Variants in AFG2A observed in about 807,000 individuals in gnomAD.
AFG2A encodes the protein ATPase family gene 2 protein homolog A.
At chr4:123,204,634 G>A in the AFG2A span, among the ~76,000 whole-genome samples, 1 of 152,048 alleles carries the variant, frequency 6.6e-6, no homozygotes, top group Admixed American at 6.6e-5. Flanking sequence ...CTCTTAACAG[G>A]GACTTTTGCT....
At chr4:123,251,040 T>G in the AFG2A span, among the ~76,000 whole-genome samples, 1 of 152,090 alleles carries the variant, frequency 6.6e-6, no homozygotes, top group African/African-American at 2.4e-5. Context: ...GACAATGTTA[T>G]AATAATCATT....
At chr4:122,956,879 A>C in the AFG2A span, among the ~76,000 whole-genome samples, 1 of 152,170 alleles carries the variant, frequency 6.6e-6, no homozygotes, top group East Asian at 1.9e-4. Flanking sequence ...TGAAAACAGT[A>C]TGCTGGAATT....
the AFG2A span, among the ~76,000 whole-genome samples, chr4:123,171,279 A>T: frequency 6.6e-6 from 1 of 152,336 alleles, no homozygotes; most frequent in South Asian, 2.1e-4. Flanking sequence ...TATTTTCAAC[A>T]TTATGACTGT....
At chr4:122,923,487 C>T in the AFG2A span, among the ~76,000 whole-genome samples, 1 of 152,184 alleles carries the variant, frequency 6.6e-6, no homozygotes, top group South Asian at 2.1e-4. Flanking sequence ...GCCGCGCCTG[C>T]ACTGGAGAAG....
At chr4:123,039,645 TAC>T in the AFG2A span, among the ~76,000 whole-genome samples, 1 of 151,868 alleles carries the variant, frequency 6.6e-6, no homozygotes, top group African/African-American at 2.4e-5. Flanking sequence ...TGCTTTGTAC[TAC>T]AATCGTTTTT....
the AFG2A span, among the ~76,000 whole-genome samples, chr4:123,107,736 T>G: frequency 6.6e-6 from 1 of 152,196 alleles, no homozygotes; most frequent in South Asian, 2.1e-4. Context: ...CAAACCACCC[T>G]CAGCCCTCCT....
chr4:122,928,929 C>T, the AFG2A span: 1 of 1,321,578 alleles, frequency 7.6e-7, no homozygotes, highest in Non-Finnish European at 1.0e-6. Context: ...TGGGTAAAGA[C>T]TGTATTTTGC....
At chr4:123,011,477 G>A in the AFG2A span, among the ~76,000 whole-genome samples, 8 of 152,204 alleles carry the variant, frequency 5.3e-5, no homozygotes, top group East Asian at 3.9e-4. Context: ...TTTCACTCGC[G>A]TCCCTGTGAA....
At chr4:123,247,196 G>A in the AFG2A span, among the ~76,000 whole-genome samples, 11 of 149,802 alleles carry the variant, frequency 7.3e-5, no homozygotes, top group African/African-American at 2.7e-4. Context: ...GGTTACTTAT[G>A]TAAAGGGTGT....
chr4:123,154,817 T>C, the AFG2A span, among the ~76,000 whole-genome samples: 4 of 152,184 alleles, frequency 2.6e-5, no homozygotes, highest in Non-Finnish European at 5.9e-5. Flanking sequence ...GTAACACGTA[T>C]TGTTAAAGAA....
chr4:123,286,163 TA>T, the AFG2A span, among the ~76,000 whole-genome samples: 1 of 152,122 alleles, frequency 6.6e-6, no homozygotes, highest in Non-Finnish European at 1.5e-5. Flanking sequence ...TCTTCTCCCC[TA>T]AAGGAAAATA....
At chr4:123,256,042 T>C in the AFG2A span, 2 of 1,614,118 alleles carry the variant, frequency 1.2e-6, no homozygotes, top group Non-Finnish European at 1.7e-6. Flanking sequence ...GAAGAATTGA[T>C]AGAATCATCT....
the AFG2A span, among the ~76,000 whole-genome samples, chr4:123,016,421 A>T: frequency 4.8e-4 from 73 of 151,278 alleles, 1 homozygote; most frequent in Non-Finnish European, 9.7e-4. Context: ...GGCTGGGCAG[A>T]GACGCTCCTC....
At chr4:123,062,429 A>G in the AFG2A span, among the ~76,000 whole-genome samples, 1 of 152,208 alleles carries the variant, frequency 6.6e-6, no homozygotes, top group African/African-American at 2.4e-5. Flanking sequence ...TTTTTATGAA[A>G]TAAAGATTTT....
At chr4:123,253,582 G>A in the AFG2A span, among the ~76,000 whole-genome samples, 5 of 152,032 alleles carry the variant, frequency 3.3e-5, no homozygotes, top group African/African-American at 1.2e-4. Flanking sequence ...TGCAGGAGGT[G>A]GAGATTGCAG....
At chr4:123,105,816 T>C in the AFG2A span, among the ~76,000 whole-genome samples, 2 of 152,226 alleles carry the variant, frequency 1.3e-5, no homozygotes, top group Non-Finnish European at 2.9e-5. Flanking sequence ...TTATTTCTTA[T>C]GGCTGAGCAA....
chr4:123,253,330 A>G, the AFG2A span, among the ~76,000 whole-genome samples: 1 of 152,078 alleles, frequency 6.6e-6, no homozygotes, highest in Non-Finnish European at 1.5e-5. Context: ...TAAAAATACA[A>G]AAAATTAGCC....
chr4:123,223,646 C>A, the AFG2A span, among the ~76,000 whole-genome samples: 1 of 152,052 alleles, frequency 6.6e-6, no homozygotes. Context: ...AGAGCAGCAC[C>A]AAGGGGAACA....
At chr4:123,202,972 G>A in the AFG2A span, among the ~76,000 whole-genome samples, 3 of 152,018 alleles carry the variant, frequency 2.0e-5, no homozygotes, top group African/African-American at 4.8e-5. Flanking sequence ...GCAGTGAGCC[G>A]TGATCGTACT....
Sources: allele counts gnomAD v4.1 joint callset (sites outside exome capture counted in the v4.1 genomes callset), GRCh38; gene constraint gnomAD v4.1.1; transcripts MANE v1.5; gene names NCBI Gene and HGNC (gene_info 2026-07-23, HGNC 2026-07-21).